Variants in PLXNC1 observed in about 807,000 individuals in gnomAD.
PLXNC1 encodes plexin-C1.
Under a neutral mutation model 178.2 loss-of-function variants are expected in PLXNC1, and 75 were observed. The observed-to-expected ratio is 0.42, with a 90% CI of 0.35 to 0.51. PLXNC1 has a LOEUF of 0.51. PLXNC1 is among the 20% of genes least tolerant of loss of function. PLXNC1 has a pLI of 0.02. For missense variants in PLXNC1, 1,503 were observed against 1,984.4 expected (o/e 0.76, Z 4.61); for synonymous variants, 790 against 779.9 (o/e 1.01, Z -0.22).
At chr12:94,159,982 G>A (rs1004446449) in intron 1 of PLXNC1, among the ~76,000 whole-genome samples, 22 of 152,350 alleles carry the variant, frequency 1.4e-4, no homozygotes, top group African/African-American at 4.3e-4. Flanking sequence ...TTTTTAAGAC[G>A]TGGAGGACCA....
chr12:94,189,355 G>A (rs1962636727), intron 4 of PLXNC1, among the ~76,000 whole-genome samples: 1 of 152,198 alleles, frequency 6.6e-6, no homozygotes, highest in Non-Finnish European at 1.5e-5. Flanking sequence ...AAAGGTGGCA[G>A]GGTCTGTGTT....
chr12:94,201,210 T>C (rs758767131), intron 4 of PLXNC1, among the ~76,000 whole-genome samples: 74 of 152,192 alleles, frequency 4.9e-4, no homozygotes, highest in Non-Finnish European at 5.3e-4. Context: ...CCCTTTAATA[T>C]TTAGGAGGAA....
intron 4 of PLXNC1, among the ~76,000 whole-genome samples, chr12:94,206,972 G>A (rs1963319946): frequency 1.3e-5 from 2 of 152,140 alleles, no homozygotes; most frequent in South Asian, 4.1e-4. Context: ...CTTTCAAAAG[G>A]AATTATTTCA....
chr12:94,307,312 T>G lies in PLXNC1; in HGVS notation c.*2027T>G, dbSNP rs891424278. The G allele has an allele frequency of 5.3e-5, 8 of 152,176 alleles. No homozygotes were observed. The highest frequency in any genetic ancestry group is 1.7e-4 in the African/African-American group (7 of 41,438). The allele number at this position is 152,176 out of a possible 1,614,324, so 9.4% of individuals were successfully genotyped here. A position where few individuals can be genotyped will look rare whatever the true frequency, so the allele number is the denominator to read the frequency against. On this transcript the variant is annotated 3_prime_UTR_variant, in exon 31 of 31. Coordinates refer to ENST00000258526, the MANE Select transcript of PLXNC1 (RefSeq NM_005761.3). ...CTAATGTATGTAGCGTGTTTGTCAA[T>G]CCTCCAGTGAAAAGCACTATCTAGA...
chr12:94,268,533 T>C (rs1370987278), intron 21 of PLXNC1, among the ~76,000 whole-genome samples: 1 of 151,412 alleles, frequency 6.6e-6, no homozygotes, highest in Non-Finnish European at 1.5e-5. Context: ...CACAGGACTT[T>C]AGTCTTTCCT....
At chr12:94,231,863 T>C (rs1046570074) in intron 9 of PLXNC1, among the ~76,000 whole-genome samples, 2 of 152,194 alleles carry the variant, frequency 1.3e-5, no homozygotes, top group African/African-American at 4.8e-5. Flanking sequence ...CATTCTCATA[T>C]CTGGTGCCTT....
chr12:94,164,647 G>A (rs1432243492), intron 1 of PLXNC1, among the ~76,000 whole-genome samples: 1 of 146,250 alleles, frequency 6.8e-6, no homozygotes. Context: ...CTCATGATAT[G>A]CCCATGACTC....
At chr12:94,205,211 T>C (rs149122026) in intron 4 of PLXNC1, among the ~76,000 whole-genome samples, 2 of 152,282 alleles carry the variant, frequency 1.3e-5, no homozygotes, top group African/African-American at 4.8e-5. Context: ...CTCCCTGTTC[T>C]TTATGTTGGC....
chr12:94,218,101 T>C (rs1204538289), intron 5 of PLXNC1, among the ~76,000 whole-genome samples: 2 of 152,174 alleles, frequency 1.3e-5, no homozygotes, highest in African/African-American at 4.8e-5. Flanking sequence ...ATAAGATGTG[T>C]GGTGCGGATA....
At chr12:94,239,633 C>A (rs1423381938) in intron 10 of PLXNC1, among the ~76,000 whole-genome samples, 1 of 152,206 alleles carries the variant, frequency 6.6e-6, no homozygotes, top group Non-Finnish European at 1.5e-5. Flanking sequence ...TTTAGAGGAT[C>A]ATTGTAGACA....
At chr12:94,283,556 G>A (rs763173166) in intron 23 of PLXNC1, among the ~76,000 whole-genome samples, 37 of 152,192 alleles carry the variant, frequency 2.4e-4, no homozygotes, top group African/African-American at 8.7e-4. Context: ...ACGGGAGACG[G>A]GAGTTTTATT....
intron 14 of PLXNC1, among the ~76,000 whole-genome samples, chr12:94,249,968 G>A (rs1480989400): frequency 2.0e-5 from 3 of 146,432 alleles, no homozygotes; most frequent in East Asian, 2.1e-4. Flanking sequence ...CAGGTAGGGG[G>A]GCCATGCTGC....
intron 4 of PLXNC1, among the ~76,000 whole-genome samples, chr12:94,188,925 C>T (rs867118212): frequency 2.6e-5 from 4 of 152,090 alleles, no homozygotes; most frequent in South Asian, 2.1e-4. Context: ...CAGTGGCCTA[C>T]GGCCATTGAG....
At chr12:94,183,913 C>T (rs76020810) in intron 3 of PLXNC1, among the ~76,000 whole-genome samples, 13,529 of 152,160 alleles carry the variant, frequency 0.089, 833 homozygotes, top group African/African-American at 0.17. Flanking sequence ...GCAAATATAA[C>T]GCCTAAAGAG....
At chr12:94,262,753 G>T in intron 20 of PLXNC1, 1 of 985,476 alleles carries the variant, frequency 1.0e-6, no homozygotes, top group Non-Finnish European at 1.2e-6. Context: ...CAGTAGCTCC[G>T]TGACCGCCAG....
At chr12:94,231,606 T>C (rs11107468) in intron 9 of PLXNC1, among the ~76,000 whole-genome samples, 78,429 of 151,966 alleles carry the variant, frequency 0.52, 21,645 homozygotes, top group African/African-American at 0.72. Flanking sequence ...CAAGACCTAC[T>C]CCTGTATCCT....
At chr12:94,251,276 T>C in intron 14 of PLXNC1, 150 bp from the exon 15 acceptor site, 2 of 613,742 alleles carry the variant, frequency 3.3e-6, no homozygotes, top group Non-Finnish European at 5.9e-6. Flanking sequence ...GACACATAGC[T>C]AATCTGCCAC....
intron 7 of PLXNC1, among the ~76,000 whole-genome samples, chr12:94,224,811 G>T (rs952962353): frequency 6.6e-6 from 1 of 152,184 alleles, no homozygotes; most frequent in Admixed American, 6.5e-5. Flanking sequence ...GGAGGCTGAG[G>T]TGGGAGGATC....
chr12:94,287,770 G>A (rs1405500734), intron 23 of PLXNC1, among the ~76,000 whole-genome samples: 1 of 152,214 alleles, frequency 6.6e-6, no homozygotes, highest in Non-Finnish European at 1.5e-5. Context: ...AAAGGGACTG[G>A]ACAATCGCTA....
Sources: allele counts gnomAD v4.1 joint callset (sites outside exome capture counted in the v4.1 genomes callset), GRCh38; gene constraint gnomAD v4.1.1; transcripts MANE v1.5; gene names NCBI Gene and HGNC (gene_info 2026-07-23, HGNC 2026-07-21).